Variants in JMJD1C observed in about 807,000 individuals in gnomAD.
The protein encoded by JMJD1C is jumonji domain containing 1C.
A neutral mutation model predicts 245.3 loss-of-function variants in JMJD1C; 31 were observed. That is an observed-to-expected ratio of 0.13 (90% CI 0.09 to 0.17). The LOEUF (loss-of-function observed/expected upper bound fraction) is 0.17, where lower values mean the gene tolerates loss of function less well. Among genes scored for constraint, JMJD1C ranks in the 10% least tolerant of loss-of-function variants. The probability of loss-of-function intolerance (pLI) is 1.00; values close to 1 mark genes in which losing one functional copy is unlikely to be tolerated. For synonymous variants in JMJD1C, 1,057 were observed against 1,017.4 expected, an observed-to-expected ratio of 1.04 and a Z score of -0.74; for missense variants, 2,691 against 3,000.2, an observed-to-expected ratio of 0.90 and a Z score of 2.41.
At chr10:63,201,324 A>C (rs1845977317) in intron 10 of JMJD1C, among the ~76,000 whole-genome samples, 1 of 152,206 alleles carries the variant, frequency 6.6e-6, no homozygotes, top group Non-Finnish European at 1.5e-5. Flanking sequence ...TTTTAGAAAA[A>C]TAAAAGGGTT....
intron 1 of JMJD1C, among the ~76,000 whole-genome samples, chr10:63,390,455 CAACT>C (rs1947965818): frequency 6.6e-6 from 1 of 152,078 alleles, no homozygotes. Flanking sequence ...AACTTTGAAA[CAACT>C]AACACCACTT....
At chr10:63,352,395 T>C (rs953948923) in intron 2 of JMJD1C, among the ~76,000 whole-genome samples, 4 of 152,262 alleles carry the variant, frequency 2.6e-5, no homozygotes, top group Admixed American at 2.0e-4. Context: ...CTCACCCCTT[T>C]GGGAGGCCGA....
intron 1 of JMJD1C, among the ~76,000 whole-genome samples, chr10:63,391,787 A>C (rs1282518080): frequency 6.6e-6 from 1 of 152,184 alleles, no homozygotes; most frequent in East Asian, 1.9e-4. Flanking sequence ...AGAAATAGAG[A>C]AAACAATCCT....
chr10:63,295,954 CGT>C (rs1454516384), intron 2 of JMJD1C, among the ~76,000 whole-genome samples: 13 of 28,454 alleles, frequency 4.6e-4, no homozygotes, highest in African/African-American at 1.4e-3. Context: ...TATATATACA[CGT>C]ATATGTGTGT....
In JMJD1C at chr10:63,380,478, T is replaced by C. The variant is rs1451725739; in HGVS notation, c.173A>G (p.Tyr58Cys). The C allele has an allele frequency of 2.5e-6, 4 of 1,609,218 alleles. No homozygotes were observed. The South Asian group carries it at 3.3e-5, about 13-fold the overall frequency. ...CCATTCAAGATCATCAAATTCCACA[T>C]ACACCTATGAAAACAAAAACACAAA... ...RDSRNPDLAV[Y>C]VEFDDLEWDK... The change falls in exon 2 of 26, where the codon TAT becomes TGT. Residue 58 changes from tyrosine to cysteine, a missense_variant. By Grantham distance (194) the Tyr-to-Cys change is radical. Around this residue, in one of 9 missense-constraint regions of JMJD1C, gnomAD observed 135 missense variants for 115.5 expected, o/e 1.17. Coordinates refer to ENST00000399262, the MANE Select transcript of JMJD1C (RefSeq NM_032776.3).
chr10:63,280,037 G>A (rs1327732307), intron 2 of JMJD1C, among the ~76,000 whole-genome samples: 1 of 151,954 alleles, frequency 6.6e-6, no homozygotes, highest in Non-Finnish European at 1.5e-5. Context: ...TGTAGTCCCA[G>A]CTACTCAGGA....
At chr10:63,301,402 T>G (rs1489167434) in intron 2 of JMJD1C, among the ~76,000 whole-genome samples, 1 of 152,218 alleles carries the variant, frequency 6.6e-6, no homozygotes, top group Non-Finnish European at 1.5e-5. Flanking sequence ...CTCTAGGAAG[T>G]ACACCTAGTT....
At chr10:63,458,773 G>C (rs1217307787) in intron 1 of JMJD1C, among the ~76,000 whole-genome samples, 1 of 150,706 alleles carries the variant, frequency 6.6e-6, no homozygotes, top group Non-Finnish European at 1.5e-5. Context: ...ACCCAGGCTA[G>C]AGTGCAGTGG....
intron 1 of JMJD1C, among the ~76,000 whole-genome samples, chr10:63,424,782 C>G (rs1267243792): frequency 6.6e-6 from 1 of 152,078 alleles, no homozygotes; most frequent in Non-Finnish European, 1.5e-5. Flanking sequence ...TCAGCAAAAG[C>G]AAACTCTCGA....
In JMJD1C at chr10:63,207,904, G is replaced by C; in HGVS notation, c.3765C>G (p.Pro1255=). ...QESQKPPTLI[P]EPKDSQANFK... ...AATTTGCCTGGGAGTCTTTTGGTTC[G>C]GGTATTAGAGTTGGAGGCTTCTGTG... The change falls in exon 10 of 26, where the codon CCC becomes CCG. Residue 1255 remains proline (P), a synonymous_variant. Coordinates refer to ENST00000399262, the MANE Select transcript of JMJD1C (RefSeq NM_032776.3). The C allele has an allele frequency of 6.2e-7, 1 of 1,614,066 alleles. No homozygotes were observed. The highest frequency in any genetic ancestry group is 8.5e-7 in the Non-Finnish European group (1 of 1,179,992).
rs146403721 is a variant in JMJD1C, at chr10:63,293,565, A to T, written c.334-28801T>A. On this transcript the variant is annotated intron_variant, in intron 2 of 25. Transcript: ENST00000399262. Reference sequence around the variant, plus strand: ...CATTGTCATAAAATAGGGCCTGAAGATAAAATCTTCAGGTCATCCTACTTT... The same window carrying T: ...CATTGTCATAAAATAGGGCCTGAAGTTAAAATCTTCAGGTCATCCTACTTT... 3.9e-3 allele frequency among the ~76,000 whole-genome samples: 601 copies of T among 152,296 alleles called. 1 individual carries two copies. Among genetic ancestry groups the T allele is most frequent in the African/African-American group, 0.011 (455 of 41,572 alleles).
At chr10:63,472,781 T>TTTTA (rs1213983554) in intron 1 of JMJD1C, among the ~76,000 whole-genome samples, 2 of 152,188 alleles carry the variant, frequency 1.3e-5, no homozygotes, top group African/African-American at 2.4e-5. Flanking sequence ...ATAATTCAAT[T>TTTTA]TTTATTTATT....
At chr10:63,288,876 CATAATA>C (rs1452626672) in intron 2 of JMJD1C, among the ~76,000 whole-genome samples, 1 of 135,228 alleles carries the variant, frequency 7.4e-6, no homozygotes, top group Non-Finnish European at 1.6e-5. Context: ...GACACTGTCT[CATAATA>C]ATAATACAAT....
intron 24 of JMJD1C, among the ~76,000 whole-genome samples, chr10:63,174,533 CT>C (rs887157164): frequency 1.3e-5 from 2 of 151,514 alleles, no homozygotes; most frequent in African/African-American, 4.9e-5. Context: ...AAGAGGCTGA[CT>C]ATAAAAGTGC....
At chr10:63,183,206 A>C (rs553379012) in intron 22 of JMJD1C, among the ~76,000 whole-genome samples, 6 of 152,228 alleles carry the variant, frequency 3.9e-5, no homozygotes, top group Non-Finnish European at 8.8e-5. Context: ...TTTCATCAAC[A>C]CAATACTTAA....
intron 22 of JMJD1C, among the ~76,000 whole-genome samples, chr10:63,183,035 A>AT (rs1843678019): frequency 7.9e-5 from 12 of 151,966 alleles, no homozygotes. Context: ...CTAATTTTGT[A>AT]TTTTTAGTAG....
intron 2 of JMJD1C, among the ~76,000 whole-genome samples, chr10:63,325,149 T>G (rs901452837): frequency 3.9e-5 from 6 of 152,164 alleles, no homozygotes; most frequent in Non-Finnish European, 8.8e-5. Context: ...GAATGCAAAT[T>G]TATTACTTTA....
chr10:63,464,611 G>C lies in JMJD1C; in HGVS notation c.168+884C>G, dbSNP rs528447746. Among the ~76,000 whole-genome samples the C allele has an allele frequency of 4.0e-5, 6 of 151,194 alleles. No homozygotes were observed. The East Asian group carries it at 1.2e-3, about 29-fold the overall frequency. ...CTGTCCCTCAGTGAGAATGTACTTG[G>C]AACACAACAGAGCATATTACAGCTC... On this transcript the variant is annotated intron_variant, in intron 1 of 25. Transcript: ENST00000399262.
chr10:63,282,874 G>A (rs1353452101), intron 2 of JMJD1C, among the ~76,000 whole-genome samples: 1 of 151,998 alleles, frequency 6.6e-6, no homozygotes, highest in African/African-American at 2.4e-5. Context: ...GTGCCACCAC[G>A]CCTGACTAAT....
Sources: allele counts gnomAD v4.1 joint callset (sites outside exome capture counted in the v4.1 genomes callset), GRCh38; gene constraint gnomAD v4.1.1; regional missense constraint gnomAD v4.1.1; transcripts MANE v1.5; gene names NCBI Gene and HGNC (gene_info 2026-07-23, HGNC 2026-07-21).